LVRN: variants seen among roughly 807,000 people sequenced by gnomAD.
LVRN encodes laeverin.
A neutral mutation model predicts 111.4 loss-of-function variants in LVRN; 99 were observed. The observed-to-expected ratio is 0.89, with a 90% CI of 0.76 to 1.05. LVRN has a LOEUF of 1.05. Among genes scored for constraint, LVRN ranks in the 50% least tolerant of loss-of-function variants. LVRN has a pLI of 0.00. For missense variants in LVRN, 1,414 were observed against 1,206.8 expected, an observed-to-expected ratio of 1.17 and a Z score of -2.54; for synonymous variants, 488 against 449.5, an observed-to-expected ratio of 1.09 and a Z score of -1.08.
chr5:116,013,307 T>C (rs1233943942), intron 15 of LVRN, among the ~76,000 whole-genome samples: 1 of 152,168 alleles, frequency 6.6e-6, no homozygotes, highest in Non-Finnish European at 1.5e-5. Context: ...AGGTGGACAA[T>C]GGTAAGGACT....
rs1273124204 is a variant in LVRN at position 116,014,517 on chromosome 5, C to T, written c.2440C>T (p.Pro814Ser). 5 of 1,611,998 alleles carry T rather than the reference C, an allele frequency of 3.1e-6. No individual in the cohort carries two copies. In the Admixed American group the frequency reaches 6.7e-5, roughly 22 times the overall value. ...ACTTTTCGCAAAATGGGTGGATCATCCAGAAAATGAGTAAGAGTAATATCA... is the reference window on the plus strand; with the variant it reads ...ACTTTTCGCAAAATGGGTGGATCATTCAGAAAATGAGTAAGAGTAATATCA... ...KELFAKWVDHPENEIPYPIKD... is the reference protein window; with the variant it reads ...KELFAKWVDHSENEIPYPIKD... The change falls in exon 16 of 20, where the codon CCA becomes TCA. Residue 814 changes from proline (P) to serine (S), a missense_variant. Physicochemically the swap from Pro to Ser is moderately conservative, Grantham distance 74. Coordinates refer to ENST00000357872, the MANE Select transcript of LVRN (RefSeq NM_173800.5).
At position 116,018,470 on chromosome 5, in the gene LVRN, C is replaced by T. The variant is rs551618030; in HGVS notation, c.2756+2705C>T. 7.9e-5 allele frequency among the ~76,000 whole-genome samples: 12 copies of T among 152,206 alleles called. No homozygotes were observed. In the East Asian group the frequency reaches 2.3e-3, roughly 29 times the overall value. ...GGCAGATCACCTGAGGTCGGGAGTT[C>T]GTGACCAGCCTGACCAACGTGGAGA... On this transcript the variant is annotated intron_variant, in intron 18 of 19. Transcript: ENST00000357872.
intron 1 of LVRN, among the ~76,000 whole-genome samples, chr5:115,977,392 C>T (rs541718126): frequency 3.6e-4 from 55 of 152,206 alleles, no homozygotes; most frequent in African/African-American, 1.3e-3. Flanking sequence ...GCTTGTTTCT[C>T]TTCTCTTGAG....
chr5:116,023,049 C>T (rs1229096787), intron 19 of LVRN, among the ~76,000 whole-genome samples: 8 of 152,216 alleles, frequency 5.3e-5, no homozygotes, highest in Admixed American at 3.3e-4. Context: ...GAGAACACTC[C>T]TCATTCCTGT....
In LVRN at chr5:116,014,329, C is replaced by T. The variant is rs116656428; in HGVS notation, c.2343-91C>T. The T allele has an allele frequency of 2.3e-3, 2,029 of 876,066 alleles. 36 individuals carry two copies. In the African/African-American group the frequency reaches 0.031, roughly 14 times the overall value. 54.3% of individuals were successfully genotyped at this position (876,066 alleles called of 1,614,324 possible). On this transcript the variant is annotated intron_variant, in intron 15 of 19. Coordinates refer to ENST00000357872, the MANE Select transcript of LVRN (RefSeq NM_173800.5). ...TCATTGAAAGGATATTTAAAAATACCCATCTTTTTATGAAACACATATTCT... is the reference window on the plus strand; with the variant it reads ...TCATTGAAAGGATATTTAAAAATACTCATCTTTTTATGAAACACATATTCT...
At chr5:116,020,972 C>T (rs1024056470) in intron 18 of LVRN, 6 of 152,106 alleles carry the variant, frequency 3.9e-5, no homozygotes, top group Non-Finnish European at 7.3e-5. Flanking sequence ...GTAAACTATT[C>T]GTAATGCAAT....
rs1050625942 is a variant in LVRN, at chr5:116,002,726, C to T, written c.1821-109C>T. ...AGGCCTGCATATCTAGAGAGAATGA[C>T]CAAAGAAACTGAGTTCTGTGTGCTA... On this transcript the variant is annotated intron_variant, in intron 10 of 19. Transcript: ENST00000357872. 3.9e-6 allele frequency: 3 copies of T among 764,966 alleles called. No individual in the cohort carries two copies. The Admixed American group carries it at 8.9e-5, about 23-fold the overall frequency. 47.4% of individuals were successfully genotyped at this position (764,966 alleles called of 1,614,324 possible).
At chr5:115,997,333 T>C (rs571813534) in intron 6 of LVRN, among the ~76,000 whole-genome samples, 27 of 152,296 alleles carry the variant, frequency 1.8e-4, no homozygotes, top group Non-Finnish European at 3.2e-4. Flanking sequence ...TCTATACCAA[T>C]TTATTACAAT....
At chr5:115,987,318 C>T (rs1747890389) in intron 3 of LVRN, among the ~76,000 whole-genome samples, 3 of 152,124 alleles carry the variant, frequency 2.0e-5, no homozygotes, top group African/African-American at 7.2e-5. Flanking sequence ...AACCTTATTT[C>T]AAATTTTGTA....
At chr5:115,988,830 A>G (rs1193495020) in intron 4 of LVRN, among the ~76,000 whole-genome samples, 1 of 152,194 alleles carries the variant, frequency 6.6e-6, no homozygotes, top group Non-Finnish European at 1.5e-5. Flanking sequence ...GCAGGAGCTC[A>G]GGCATGGAGA....
chr5:115,992,308 T>C, intron 5 of LVRN, 31 bp downstream of exon 5: 2 of 1,612,202 alleles, frequency 1.2e-6, no homozygotes, highest in Non-Finnish European at 1.7e-6. Flanking sequence ...TTTATTTCAC[T>C]TGAAGTTATT....
chr5:115,981,662 C>A (rs115014335), intron 1 of LVRN, among the ~76,000 whole-genome samples: 2,482 of 152,210 alleles, frequency 0.016, 84 homozygotes, highest in African/African-American at 0.056. Flanking sequence ...CTATTAAATA[C>A]TAGTTATTAT....
chr5:115,978,792 T>C (rs1249765806), intron 1 of LVRN, among the ~76,000 whole-genome samples: 1 of 152,098 alleles, frequency 6.6e-6, no homozygotes, highest in Non-Finnish European at 1.5e-5. Flanking sequence ...TAGCTGCTAT[T>C]TTGATTCCAC....
intron 4 of LVRN, among the ~76,000 whole-genome samples, chr5:115,989,919 A>G (rs1747947591): frequency 6.6e-6 from 1 of 152,272 alleles, no homozygotes; most frequent in Non-Finnish European, 1.5e-5. Flanking sequence ...CAACAAAACA[A>G]AACAAAACAA....
rs987377819 is a variant in LVRN, at chr5:115,999,898, G to T, written c.1511G>T (p.Ser504Ile). Residue 504 changes from serine to isoleucine, a missense_variant, in exon 7 of 20, where the codon AGC becomes ATC. By Grantham distance (142) the Ser-to-Ile change is moderately radical. Transcript: ENST00000357872. ...IQELFDIFTY[S>I]KGASMARMLS... ...GAACTCTTTGACATATTTACTTACA[G>T]CAAGGTAAAAGCAGTTAGAAATTTC... 2.5e-6 allele frequency: 4 copies of T among 1,607,608 alleles called. No individual in the cohort carries two copies. The Admixed American group carries it at 6.9e-5, about 28-fold the overall frequency.
Position 116,027,275 on chromosome 5 carries a change from A to T in LVRN, c.*1157A>T, listed in dbSNP as rs182287863. ...GGGTAAAACTACAAATCTCCTCCTC[A>T]GGGTGATATTTTTAAAGATTAAGGA... On this transcript the variant is annotated 3_prime_UTR_variant, in exon 20 of 20. Transcript: ENST00000357872. 7.2e-5 allele frequency: 11 copies of T among 152,268 alleles called. No homozygotes were observed. In the East Asian group the frequency reaches 1.3e-3, roughly 19 times the overall value. 9.4% of individuals were successfully genotyped at this position (152,268 alleles called of 1,614,324 possible). A position where few individuals can be genotyped will look rare whatever the true frequency, so the allele number is the denominator to read the frequency against.
At chr5:115,996,257 A>G (rs1202339994) in intron 6 of LVRN, among the ~76,000 whole-genome samples, 1 of 152,246 alleles carries the variant, frequency 6.6e-6, no homozygotes, top group East Asian at 1.9e-4. Flanking sequence ...GTTACCTCTT[A>G]TAATAACTAA....
Position 115,983,315 on chromosome 5 carries a change from A to G in LVRN, c.724A>G (p.Thr242Ala). Residue 242 changes from threonine (T) to alanine (A), a missense_variant, in exon 2 of 20, where the codon ACA becomes GCA. Transcript: ENST00000357872. The stretch of plus-strand genomic sequence containing the variant: ...CCTGTTAGCGTCCCAGCTGGAACCA[A>G]CATTTGCCAGGTATGTTTTCCCTTG... ...RALLASQLEP[T>A]FARYVFPCFD... 1.2e-6 allele frequency: 2 copies of G among 1,606,424 alleles called. No homozygotes were observed. Among genetic ancestry groups the G allele is most frequent in the East Asian group, 2.2e-5 (1 of 44,634 alleles).
chr5:116,021,845 A>G lies in LVRN; in HGVS notation c.2757-546A>G, dbSNP rs573204119. On this transcript the variant is annotated intron_variant, in intron 18 of 19. Transcript: ENST00000357872. ...TTCAGGGACACTAAACTAGAGGGGA[A>G]GTTTCCATGACCACGCCTATTGAAA... 149 of 369,724 alleles carry G rather than the reference A, an allele frequency of 4.0e-4. 1 individual carries two copies. The highest frequency in any genetic ancestry group is 7.5e-4 in the Middle Eastern group (2 of 2,676). The allele number at this position is 369,724 out of a possible 1,614,324, so 22.9% of individuals were successfully genotyped here. A position where few individuals can be genotyped will look rare whatever the true frequency, so the allele number is the denominator to read the frequency against.
Sources: allele counts gnomAD v4.1 joint callset (sites outside exome capture counted in the v4.1 genomes callset), GRCh38; gene constraint gnomAD v4.1.1; transcripts MANE v1.5; gene names NCBI Gene and HGNC (gene_info 2026-07-23, HGNC 2026-07-21).